Variants in DDX21 observed in about 807,000 individuals in gnomAD.
The protein encoded by DDX21 is DExD-box helicase 21.
A neutral mutation model predicts 90.0 loss-of-function variants in DDX21; 18 were observed. The observed-to-expected ratio is 0.20, with a 90% CI of 0.14 to 0.30. The LOEUF (loss-of-function observed/expected upper bound fraction) is 0.30, where lower values mean the gene tolerates loss of function less well. Ranked by LOEUF, DDX21 falls within the 10% of genes least tolerant of loss-of-function variation. The pLI, the probability that DDX21 is intolerant of heterozygous loss-of-function variation, is 1.00. For missense variants in DDX21, 673 were observed against 944.5 expected, an observed-to-expected ratio of 0.71 and a Z score of 3.77; for synonymous variants, 294 against 318.0, an observed-to-expected ratio of 0.92 and a Z score of 0.80.
intron 12 of DDX21, among the ~76,000 whole-genome samples, chr10:68,978,145 C>T (rs950260049): frequency 6.6e-6 from 1 of 151,884 alleles, no homozygotes; most frequent in Non-Finnish European, 1.5e-5. Flanking sequence ...CAATAATTCC[C>T]ATGTTTAAAC....
rs1842854969 is a variant in DDX21 at position 68,960,204 on chromosome 10, C to T, written c.486C>T (p.Asn162=). The part of the protein sequence containing the change: ...NGFPHPEPDC[N]PSEAASEESN... Reference sequence around the variant, plus strand: ...TTCCTCATCCTGAACCGGACTGTAACCCCAGTGAAGCTGCCAGTGAAGAAA... The same window carrying T: ...TTCCTCATCCTGAACCGGACTGTAATCCCAGTGAAGCTGCCAGTGAAGAAA... Residue 162 remains asparagine (N), a synonymous_variant, in exon 2 of 15, where the codon AAC becomes AAT. Coordinates refer to ENST00000354185, the MANE Select transcript of DDX21 (RefSeq NM_004728.4). 6.2e-7 allele frequency: 1 copy of T among 1,609,334 alleles called. No individual in the cohort carries two copies. The highest frequency in any genetic ancestry group is 8.5e-7 in the Non-Finnish European group (1 of 1,178,866).
chr10:68,962,450 C>A (rs767160751), intron 3 of DDX21, among the ~76,000 whole-genome samples: 6 of 152,074 alleles, frequency 3.9e-5, no homozygotes, highest in Non-Finnish European at 8.8e-5. Flanking sequence ...CCTGTCCCGA[C>A]AAAAAGTTTA....
At chr10:68,967,461 G>A (rs1460246601) in intron 6 of DDX21, among the ~76,000 whole-genome samples, 1 of 152,202 alleles carries the variant, frequency 6.6e-6, no homozygotes, top group Non-Finnish European at 1.5e-5. Flanking sequence ...GAGCCACTGC[G>A]CCTGGCCTGG....
At position 68,956,619 on chromosome 10, in the gene DDX21, G is replaced by A. The variant is rs1842799453; in HGVS notation, c.87+307G>A. 1.3e-5 allele frequency: 16 copies of A among 1,211,080 alleles called. No individual in the cohort carries two copies. The South Asian group carries it at 2.3e-4, about 17-fold the overall frequency. 75.0% of individuals were successfully genotyped at this position (1,211,080 alleles called of 1,614,324 possible). ...CTCGGGAGAGGGCCGGGTGTCCCACGTGGTCCCCGGCGACTTGGGCGCGCC... is the reference window on the plus strand; with the variant it reads ...CTCGGGAGAGGGCCGGGTGTCCCACATGGTCCCCGGCGACTTGGGCGCGCC... On this transcript the variant is annotated intron_variant, in intron 1 of 14. Transcript: ENST00000354185.
At chr10:68,969,785 T>C (rs1842996104) in intron 7 of DDX21, among the ~76,000 whole-genome samples, 3 of 152,236 alleles carry the variant, frequency 2.0e-5, no homozygotes, top group Admixed American at 2.0e-4. Context: ...TCTAGATGAA[T>C]TAATTTCACT....
chr10:68,968,942 T>C (rs369020508), intron 6 of DDX21, 34 bp from the exon 7 acceptor site: 2 of 1,610,624 alleles, frequency 1.2e-6, no homozygotes, highest in Non-Finnish European at 8.5e-7. Context: ...GTTTGGATTA[T>C]TCATACTGAC....
intron 4 of DDX21, among the ~76,000 whole-genome samples, chr10:68,965,143 A>G (rs1005077491): frequency 6.6e-6 from 1 of 152,168 alleles, no homozygotes; most frequent in Admixed American, 6.6e-5. Flanking sequence ...TAGTCAAGTT[A>G]TTTATCCTCT....
At chr10:68,973,202 A>G (rs893083138) in intron 9 of DDX21, among the ~76,000 whole-genome samples, 8 of 152,128 alleles carry the variant, frequency 5.3e-5, no homozygotes, top group Non-Finnish European at 1.2e-4. Flanking sequence ...CTCAAAAGAA[A>G]AAAAAAAGAC....
Position 68,982,998 on chromosome 10 carries a change from TTTA to T in DDX21, c.*189_*191del, listed in dbSNP as rs1843216913. On this transcript the variant is annotated 3_prime_UTR_variant, in exon 15 of 15. Coordinates refer to ENST00000354185, the MANE Select transcript of DDX21 (RefSeq NM_004728.4). ...TCATCTGATCATTATCATTTATAAC[TTTA>T]TTGTTACTTCTTCATCAGTTTTTCC... is the stretch of plus-strand genomic sequence containing the variant. The T allele has an allele frequency of 8.2e-6, 6 of 731,262 alleles. No homozygotes were observed. Among genetic ancestry groups the T allele is most frequent in the South Asian group, 2.1e-5 (1 of 47,240 alleles). 45.3% of individuals were successfully genotyped at this position (731,262 alleles called of 1,614,324 possible).
At chr10:68,970,087 GT>G in intron 7 of DDX21, 113 bp from the exon 8 acceptor site, 1 of 1,048,144 alleles carries the variant, frequency 9.5e-7, no homozygotes, top group Non-Finnish European at 1.3e-6. Flanking sequence ...TTGAGTAGTT[GT>G]TTCCAGGAGC....
chr10:68,964,942 G>A (rs1396493821), intron 4 of DDX21, among the ~76,000 whole-genome samples: 3 of 152,182 alleles, frequency 2.0e-5, no homozygotes, highest in East Asian at 1.9e-4. Context: ...CGCCTGGCCA[G>A]CAGTTTCATG....
chr10:68,972,796 T>C (rs1401019217), intron 9 of DDX21, among the ~76,000 whole-genome samples: 1 of 152,184 alleles, frequency 6.6e-6, no homozygotes, highest in East Asian at 1.9e-4. Context: ...TGCCTAACTT[T>C]TTATTATGCG....
In DDX21 at chr10:68,972,087, G is replaced by GT. The variant is rs201932275; in HGVS notation, c.1548+43dup. On this transcript the variant is annotated intron_variant, in intron 9 of 14. Transcript: ENST00000354185. ...TTATGCTTAGATTTTATTTTGTTTTGTTTTTTTTGGGTATTAAAACAAATT... is the reference window on the plus strand; with the variant it reads ...TTATGCTTAGATTTTATTTTGTTTTGTTTTTTTTTGGGTATTAAAACAAATT... The GT allele has an allele frequency of 1.3e-3, 2,079 of 1,575,246 alleles. 22 individuals carry two copies. The African/African-American group carries it at 0.02, about 15-fold the overall frequency.
chr10:68,977,481 T>C (rs1289121507), intron 11 of DDX21, 48 bp from the exon 12 acceptor site: 2 of 1,484,810 alleles, frequency 1.3e-6, no homozygotes. Context: ...AGAAATGAAA[T>C]GTGTCCACTT....
intron 5 of DDX21, among the ~76,000 whole-genome samples, chr10:68,965,835 T>C (rs543110091): frequency 7.9e-5 from 12 of 152,292 alleles, no homozygotes; most frequent in Admixed American, 6.5e-4. Context: ...TGTCCCTCTT[T>C]CTGCATGGTT....
At chr10:68,972,146 A>T in intron 9 of DDX21, 94 bp downstream of exon 9, 1 of 1,398,382 alleles carries the variant, frequency 7.2e-7, no homozygotes, top group Non-Finnish European at 9.7e-7. Flanking sequence ...TGTCATTAGT[A>T]TATAGCTATC....
At chr10:68,972,088 T>G (rs745375149) in intron 9 of DDX21, 36 bp downstream of exon 9, 5 of 1,572,830 alleles carry the variant, frequency 3.2e-6, no homozygotes, top group African/African-American at 2.8e-5. Context: ...TTTTGTTTTG[T>G]TTTTTTTGGG....
intron 13 of DDX21, among the ~76,000 whole-genome samples, chr10:68,980,998 A>G (rs1843181877): frequency 1.3e-5 from 2 of 152,004 alleles, no homozygotes. Flanking sequence ...TTTTTTTCAT[A>G]CTCTTACAGA....
At chr10:68,956,521 C>G in intron 1 of DDX21, 1 of 1,417,828 alleles carries the variant, frequency 7.1e-7, no homozygotes, top group Non-Finnish European at 9.2e-7. Context: ...CCAGGTCCGC[C>G]GTGCGCTGAC....
Sources: gnomAD v4.1 joint callset for allele counts (sites outside exome capture counted in the v4.1 genomes callset) on GRCh38, gnomAD v4.1.1 for gene constraint, MANE v1.5 for transcripts, NCBI Gene and HGNC (gene_info 2026-07-23, HGNC 2026-07-21) for gene names.